Variants in SLC4A5 observed in about 807,000 individuals in gnomAD.
SLC4A5 encodes solute carrier family 4 member 5, also known as electrogenic sodium bicarbonate cotransporter 4.
A neutral mutation model predicts 120.4 loss-of-function variants in SLC4A5; 96 were observed. The ratio of observed to expected loss-of-function variants is 0.80; its 90% CI spans 0.68 to 0.94. SLC4A5 has a LOEUF of 0.94. SLC4A5 is among the 40% of genes least tolerant of loss of function. The probability of loss-of-function intolerance (pLI) is 0.00; values close to 1 mark genes in which losing one functional copy is unlikely to be tolerated. For synonymous variants in SLC4A5, 550 were observed against 571.1 expected (o/e 0.96, Z 0.53); for missense variants, 1,259 against 1,459.5 (o/e 0.86, Z 2.24).
intron 5 of SLC4A5, among the ~76,000 whole-genome samples, chr2:74,322,217 C>T (rs1046380346): frequency 6.6e-6 from 1 of 151,700 alleles, no homozygotes; most frequent in Non-Finnish European, 1.5e-5. Context: ...TATATTTAAA[C>T]TGCTAGCCAA....
chr2:74,291,955 C>T (rs1438781572), intron 7 of SLC4A5, among the ~76,000 whole-genome samples: 2 of 152,072 alleles, frequency 1.3e-5, no homozygotes, highest in Non-Finnish European at 2.9e-5. Flanking sequence ...AAAAGATGGC[C>T]AAGGATCCCA....
chr2:74,264,353 A>G, intron 9 of SLC4A5, 54 bp from the exon 10 acceptor site: 1 of 1,549,264 alleles, frequency 6.5e-7, no homozygotes, highest in African/African-American at 1.4e-5. Context: ...GCTCCAGGGT[A>G]TGGAAGTCTT....
At chr2:74,341,291 C>CGA (rs1673618595) in intron 2 of SLC4A5, among the ~76,000 whole-genome samples, 1 of 125,582 alleles carries the variant, frequency 8.0e-6, no homozygotes, top group African/African-American at 3.4e-5. Context: ...AGCGACAGAG[C>CGA]GAGACTCCAT....
At chr2:74,290,270 G>A in intron 7 of SLC4A5, 1 of 985,572 alleles carries the variant, frequency 1.0e-6, no homozygotes, top group Non-Finnish European at 1.2e-6. Flanking sequence ...CTGAGCGCTG[G>A]GGTCCCTGGC....
chr2:74,337,133 C>T (rs188504212), intron 3 of SLC4A5, among the ~76,000 whole-genome samples: 113 of 152,300 alleles, frequency 7.4e-4, no homozygotes, highest in South Asian at 2.7e-3. Context: ...AGGTCCCAAT[C>T]CCCGCTCCCT....
chr2:74,278,699 G>C (rs976281731), intron 8 of SLC4A5, among the ~76,000 whole-genome samples: 1 of 152,204 alleles, frequency 6.6e-6, no homozygotes, highest in East Asian at 1.9e-4. Flanking sequence ...AGCATAGAGA[G>C]AGGGAAGGAC....
chr2:74,257,037 C>G (rs1184060018), intron 12 of SLC4A5, among the ~76,000 whole-genome samples: 1 of 152,184 alleles, frequency 6.6e-6, no homozygotes, highest in African/African-American at 2.4e-5. Flanking sequence ...TCAGTGAAGA[C>G]ACAGCTTCCT....
intron 1 of SLC4A5, among the ~76,000 whole-genome samples, chr2:74,342,888 T>C (rs1373219202): frequency 1.3e-5 from 2 of 152,176 alleles, no homozygotes; most frequent in South Asian, 2.1e-4. Context: ...GGAGACACCA[T>C]AGGTAACCCT....
intron 6 of SLC4A5, among the ~76,000 whole-genome samples, chr2:74,310,450 T>A (rs1220506034): frequency 2.6e-5 from 4 of 152,190 alleles, no homozygotes; most frequent in African/African-American, 7.2e-5. Context: ...GTAGATTTTT[T>A]AAAAATCAAG....
chr2:74,276,656 T>C (rs577918586), intron 8 of SLC4A5, among the ~76,000 whole-genome samples: 8 of 152,210 alleles, frequency 5.3e-5, no homozygotes, highest in Non-Finnish European at 1.2e-4. Context: ...ATTGCTTACG[T>C]TAAGTGTATA....
intron 17 of SLC4A5, among the ~76,000 whole-genome samples, chr2:74,249,296 A>G (rs1394890067): frequency 6.6e-6 from 1 of 152,202 alleles, no homozygotes; most frequent in Non-Finnish European, 1.5e-5. Context: ...CTAGAAGTAG[A>G]TAAGTGGAAG....
At chr2:74,316,117 ATC>A (rs951632593) in intron 5 of SLC4A5, among the ~76,000 whole-genome samples, 2 of 152,042 alleles carry the variant, frequency 1.3e-5, no homozygotes, top group African/African-American at 4.8e-5. Flanking sequence ...AATCTGGACA[ATC>A]TGTTTCTGGA....
intron 6 of SLC4A5, among the ~76,000 whole-genome samples, chr2:74,314,367 C>G (rs1672899651): frequency 6.6e-6 from 1 of 152,128 alleles, no homozygotes; most frequent in African/African-American, 2.4e-5. Context: ...TGCTTGACAG[C>G]TCCAGAGTGG....
At chr2:74,293,166 A>G (rs34481267) in intron 7 of SLC4A5, among the ~76,000 whole-genome samples, 11,867 of 152,198 alleles carry the variant, frequency 0.078, 587 homozygotes, top group Middle Eastern at 0.12. Flanking sequence ...ATTCTTGCCA[A>G]CTGTGTGAAG....
intron 18 of SLC4A5, 125 bp downstream of exon 18, chr2:74,248,228 T>C (rs564546981): frequency 7.7e-6 from 10 of 1,303,554 alleles, no homozygotes; most frequent in African/African-American, 3.0e-5. Context: ...GCCCTTCCCA[T>C]AGTTAAAGAT....
At chr2:74,261,000 A>T (rs542271353) in intron 11 of SLC4A5, among the ~76,000 whole-genome samples, 1 of 152,038 alleles carries the variant, frequency 6.6e-6, no homozygotes, top group Non-Finnish European at 1.5e-5. Context: ...GTTTGTTTAG[A>T]ACCCCCTCTT....
intron 5 of SLC4A5, among the ~76,000 whole-genome samples, chr2:74,316,033 C>T (rs1379936103): frequency 6.6e-6 from 1 of 151,858 alleles, no homozygotes; most frequent in Non-Finnish European, 1.5e-5. Flanking sequence ...ACATAAATAA[C>T]ATTATTATTC....
At chr2:74,226,049 C>T (rs190669357) in intron 27 of SLC4A5, among the ~76,000 whole-genome samples, 5 of 152,320 alleles carry the variant, frequency 3.3e-5, no homozygotes. Flanking sequence ...GAGGATCTAT[C>T]TCCCTTTCCC....
intron 5 of SLC4A5, among the ~76,000 whole-genome samples, chr2:74,325,891 G>A (rs1673205752): frequency 6.7e-6 from 1 of 149,862 alleles, no homozygotes; most frequent in African/African-American, 2.5e-5. Flanking sequence ...AAGGGGAAGG[G>A]GAAGGGAAGG....
Sources: gnomAD v4.1 joint callset for allele counts (sites outside exome capture counted in the v4.1 genomes callset) on GRCh38, gnomAD v4.1.1 for gene constraint, MANE v1.5 for transcripts, NCBI Gene and HGNC (gene_info 2026-07-23, HGNC 2026-07-21) for gene names.